The following TP63 variants were observed in gnomAD, a reference collection of about 807,000 sequenced individuals.
TP63 encodes the protein tumor protein 63.
Under a neutral mutation model 82.8 loss-of-function variants are expected in TP63, and 17 were observed. The ratio of observed to expected loss-of-function variants is 0.21; its 90% CI spans 0.14 to 0.31. The LOEUF is 0.31. Ranked by LOEUF, TP63 falls within the 10% of genes least tolerant of loss-of-function variation. The pLI, the probability that TP63 is intolerant of heterozygous loss-of-function variation, is 1.00. For synonymous variants in TP63, 330 were observed against 321.7 expected (o/e 1.03, Z -0.28); for missense variants, 648 against 895.3 (o/e 0.72, Z 3.52).
chr3:189,703,887 A>G (rs73892311), intron 1 of TP63, among the ~76,000 whole-genome samples: 1,696 of 152,292 alleles, frequency 0.011, 30 homozygotes, highest in African/African-American at 0.039. Context: ...ACTCTACACA[A>G]CCTCAACCTG....
intron 4 of TP63, among the ~76,000 whole-genome samples, chr3:189,855,084 A>G (rs1716119065): frequency 6.6e-6 from 1 of 152,218 alleles, no homozygotes; most frequent in South Asian, 2.1e-4. Flanking sequence ...CCCAAAATGC[A>G]AACAATAGGA....
At chr3:189,790,860 A>G (rs1725061940) in intron 3 of TP63, among the ~76,000 whole-genome samples, 1 of 152,152 alleles carries the variant, frequency 6.6e-6, no homozygotes, top group Non-Finnish European at 1.5e-5. Context: ...GCAGACCGCA[A>G]GAGGAAGAGT....
chr3:189,766,904 CTT>C (rs1180465272), intron 3 of TP63, among the ~76,000 whole-genome samples: 1 of 152,148 alleles, frequency 6.6e-6, no homozygotes, highest in Non-Finnish European at 1.5e-5. Context: ...GGATTAAACT[CTT>C]TGGATGAAAT....
intron 4 of TP63, among the ~76,000 whole-genome samples, chr3:189,858,780 A>G (rs905831403): frequency 1.3e-5 from 2 of 152,216 alleles, no homozygotes; most frequent in African/African-American, 4.8e-5. Context: ...ACCTGTCTCA[A>G]AAAATAAAAA....
chr3:189,658,859 A>G (rs529301667), intron 1 of TP63, among the ~76,000 whole-genome samples: 2 of 152,172 alleles, frequency 1.3e-5, no homozygotes, highest in East Asian at 3.9e-4. Flanking sequence ...CTCAGTTGGT[A>G]GAGAATGAGA....
chr3:189,889,458 G>A lies in TP63; in HGVS notation c.1626G>A (p.Pro542=), dbSNP rs370637253. The change falls in exon 12 of 14, where the codon CCG becomes CCA. Residue 542 remains proline, a synonymous_variant. Coordinates refer to ENST00000264731, the MANE Select transcript of TP63 (RefSeq NM_003722.5). ...CCTCCCACTGCACACCCCCACCTCC[G>A]TATCCCACAGATTGCAGCATTGTCA... ...PSTSHCTPPP[P]YPTDCSIVSF... 47 of 1,613,560 alleles carry A rather than the reference G, an allele frequency of 2.9e-5. No individual in the cohort carries two copies. The Admixed American group carries it at 3.0e-4, about 10-fold the overall frequency.
At chr3:189,876,358 G>T (rs1316470576) in intron 10 of TP63, among the ~76,000 whole-genome samples, 1 of 152,036 alleles carries the variant, frequency 6.6e-6, no homozygotes, top group African/African-American at 2.4e-5. Context: ...GCTCTAAAGG[G>T]AATTTTTTAT....
chr3:189,631,625 C>T (rs1328875819), intron 1 of TP63, 48 bp downstream of exon 1: 2 of 1,611,532 alleles, frequency 1.2e-6, no homozygotes, highest in Non-Finnish European at 1.7e-6. Flanking sequence ...ATTGAAGTGC[C>T]TTGTGTATTA....
intron 1 of TP63, among the ~76,000 whole-genome samples, chr3:189,689,290 A>G (rs1716725755): frequency 6.6e-6 from 1 of 151,014 alleles, no homozygotes; most frequent in Middle Eastern, 3.5e-3. Context: ...TAATTTTTGT[A>G]TTTTTAGTAG....
intron 1 of TP63, among the ~76,000 whole-genome samples, chr3:189,697,917 T>A (rs575624468): frequency 3.3e-5 from 5 of 152,138 alleles, no homozygotes; most frequent in African/African-American, 1.2e-4. Flanking sequence ...TGCTTATTAG[T>A]TTCAAGAGGT....
chr3:189,862,601 C>G (rs550145330), intron 4 of TP63, among the ~76,000 whole-genome samples: 2 of 152,300 alleles, frequency 1.3e-5, no homozygotes, highest in African/African-American at 4.8e-5. Flanking sequence ...TCCTAAGGGT[C>G]ATCTTACGAA....
intron 4 of TP63, among the ~76,000 whole-genome samples, chr3:189,815,553 A>C (rs994239970): frequency 3.3e-5 from 5 of 152,166 alleles, no homozygotes; most frequent in Non-Finnish European, 7.4e-5. Flanking sequence ...ATTAATTTTT[A>C]AAAGAGTAAC....
At position 189,738,649 on chromosome 3, in the gene TP63, T is replaced by C. The variant is rs1720767795; in HGVS notation, c.199T>C (p.Cys67Arg). The C allele has an allele frequency of 6.2e-7, 1 of 1,614,054 alleles. No individual in the cohort carries two copies. Among genetic ancestry groups the C allele is most frequent in the African/African-American group, 1.3e-5 (1 of 74,940 alleles). The change falls in exon 3 of 14, where the codon TGT (cysteine) becomes CGT (arginine). Residue 67 changes from cysteine (C) to arginine (R), a missense_variant. Transcript: ENST00000264731. ...TTCTTTCCTATGTGTTAGGCCTATATGTTCAGTTCAGCCCATTGACTTGAA... is the reference window on the plus strand; with the variant it reads ...TTCTTTCCTATGTGTTAGGCCTATACGTTCAGTTCAGCCCATTGACTTGAA... ...HIWDFLEQPI[C>R]SVQPIDLNFV...
At chr3:189,761,173 T>A (rs191606327) in intron 3 of TP63, among the ~76,000 whole-genome samples, 38 of 152,346 alleles carry the variant, frequency 2.5e-4, no homozygotes, top group African/African-American at 8.9e-4. Flanking sequence ...AACATTAGGC[T>A]GCTTGTTACT....
chr3:189,803,108 G>A lies in TP63; in HGVS notation c.325-5164G>A, dbSNP rs150260952. 9.9e-3 allele frequency among the ~76,000 whole-genome samples: 1,500 copies of A among 152,246 alleles called. 20 individuals carry two copies. Among genetic ancestry groups the A allele is most frequent in the African/African-American group, 0.035 (1,439 of 41,540 alleles). ...GAGGTCGGGAGTTTGAGACCAGCCC[G>A]ACCAACATGGAGAAACCACATCTCT... is the stretch of plus-strand genomic sequence containing the variant. On this transcript the variant is annotated intron_variant, in intron 3 of 13. Transcript: ENST00000264731.
At chr3:189,761,919 C>T (rs1230089592) in intron 3 of TP63, among the ~76,000 whole-genome samples, 1 of 152,128 alleles carries the variant, frequency 6.6e-6, no homozygotes. Context: ...TTTTTAAAAC[C>T]ATCAGATCTC....
rs576083098 is a variant in TP63 at position 189,819,293 on chromosome 3, T to TA, written c.579+10770dup. ...TATAAGCAAATGTGCACTTTTTTTT[T>TA]AAATTTTATTATTATTATACTTTAA... On this transcript the variant is annotated intron_variant, in intron 4 of 13. Transcript: ENST00000264731. Among the ~76,000 whole-genome samples the TA allele has an allele frequency of 7.4e-3, 1,128 of 152,092 alleles. 21 individuals carry two copies. The highest frequency in any genetic ancestry group is 0.026 in the African/African-American group (1,089 of 41,434).
intron 3 of TP63, among the ~76,000 whole-genome samples, chr3:189,795,079 A>G (rs949285067): frequency 6.6e-5 from 10 of 152,100 alleles, no homozygotes; most frequent in Admixed American, 5.9e-4. Context: ...CCCATTTAGA[A>G]GATAAATTAT....
At chr3:189,813,310 A>G (rs1727778035) in intron 4 of TP63, among the ~76,000 whole-genome samples, 1 of 152,212 alleles carries the variant, frequency 6.6e-6, no homozygotes, top group Non-Finnish European at 1.5e-5. Flanking sequence ...CGGCCATTAG[A>G]AAGAATTCTC....
Sources: gnomAD v4.1 joint callset for allele counts (sites outside exome capture counted in the v4.1 genomes callset) on GRCh38, gnomAD v4.1.1 for gene constraint, MANE v1.5 for transcripts, NCBI Gene and HGNC (gene_info 2026-07-23, HGNC 2026-07-21) for gene names.